TRPS1: variants seen among roughly 807,000 people sequenced by gnomAD.
TRPS1 encodes zinc finger transcription factor Trps1.
A neutral mutation model predicts 101.2 loss-of-function variants in TRPS1; 6 were observed. That is an observed-to-expected ratio of 0.06 (90% CI 0.03 to 0.12). TRPS1 has a LOEUF of 0.12. Ranked by LOEUF, TRPS1 falls within the 10% of genes least tolerant of loss-of-function variation. The pLI is 1.00. For synonymous variants in TRPS1, 578 were observed against 589.8 expected, an observed-to-expected ratio of 0.98 and a Z score of 0.29; for missense variants, 1,363 against 1,567.0, an observed-to-expected ratio of 0.87 and a Z score of 2.20.
intron 5 of TRPS1, among the ~76,000 whole-genome samples, chr8:115,543,109 A>G (rs1007246844): frequency 6.6e-6 from 1 of 152,162 alleles, no homozygotes; most frequent in Non-Finnish European, 1.5e-5. Context: ...GACGGGTAAA[A>G]AAAAAAGACT....
chr8:115,581,126 T>C (rs1817439278), intron 5 of TRPS1, among the ~76,000 whole-genome samples: 1 of 152,096 alleles, frequency 6.6e-6, no homozygotes, highest in Non-Finnish European at 1.5e-5. Flanking sequence ...GCGAACGTTA[T>C]TTTAAGTGAA....
chr8:115,610,446 T>C (rs1818136661), intron 3 of TRPS1, among the ~76,000 whole-genome samples: 1 of 152,172 alleles, frequency 6.6e-6, no homozygotes, highest in African/African-American at 2.4e-5. Flanking sequence ...TGATGGAGAA[T>C]AAATGTTTCA....
intron 5 of TRPS1, among the ~76,000 whole-genome samples, chr8:115,569,095 C>T (rs1030903577): frequency 1.3e-5 from 2 of 152,096 alleles, no homozygotes; most frequent in Non-Finnish European, 2.9e-5. Flanking sequence ...GTTACATCCC[C>T]GTAAACTACC....
intron 6 of TRPS1, among the ~76,000 whole-genome samples, chr8:115,415,479 C>A (rs1336105993): frequency 6.6e-6 from 1 of 152,024 alleles, no homozygotes; most frequent in Non-Finnish European, 1.5e-5. Flanking sequence ...AAGAGTAACA[C>A]AGGAGATACA....
intron 5 of TRPS1, among the ~76,000 whole-genome samples, chr8:115,446,924 C>T (rs545593046): frequency 1.8e-4 from 27 of 152,078 alleles, no homozygotes; most frequent in Admixed American, 1.6e-3. Context: ...GACACATTTC[C>T]TGGTCTACAA....
intron 5 of TRPS1, among the ~76,000 whole-genome samples, chr8:115,487,105 T>C (rs1173543387): frequency 6.6e-6 from 1 of 152,208 alleles, no homozygotes; most frequent in Non-Finnish European, 1.5e-5. Flanking sequence ...AGTGCTCATT[T>C]ATCATTCTAA....
intron 5 of TRPS1, among the ~76,000 whole-genome samples, chr8:115,457,183 T>C (rs1405114694): frequency 2.6e-5 from 4 of 152,152 alleles, no homozygotes; most frequent in Non-Finnish European, 5.9e-5. Flanking sequence ...AGTGGTTAAT[T>C]TAGACTGATT....
At chr8:115,489,331 T>TA (rs1314250918) in intron 5 of TRPS1, among the ~76,000 whole-genome samples, 8 of 152,300 alleles carry the variant, frequency 5.3e-5, no homozygotes, top group Admixed American at 2.0e-4. Flanking sequence ...ATCCCAATCT[T>TA]AAAAAACAAC....
At chr8:115,594,654 C>T (rs1335783209) in intron 4 of TRPS1, among the ~76,000 whole-genome samples, 2 of 151,768 alleles carry the variant, frequency 1.3e-5, no homozygotes, top group Non-Finnish European at 2.9e-5. Context: ...TTTCATGTGC[C>T]ATAAAAAAGC....
chr8:115,593,292 T>A (rs1449047066), intron 4 of TRPS1, among the ~76,000 whole-genome samples: 2 of 152,226 alleles, frequency 1.3e-5, no homozygotes, highest in Non-Finnish European at 2.9e-5. Context: ...TATTCTTTAG[T>A]GCCAGGTCAT....
intron 5 of TRPS1, among the ~76,000 whole-genome samples, chr8:115,562,826 T>C (rs111473991): frequency 1.3e-5 from 2 of 151,578 alleles, no homozygotes; most frequent in African/African-American, 4.8e-5. Context: ...TAAGATAATG[T>C]GGATATAAAC....
intron 5 of TRPS1, among the ~76,000 whole-genome samples, chr8:115,476,520 T>C (rs956197102): frequency 6.6e-6 from 1 of 152,192 alleles, no homozygotes; most frequent in Admixed American, 6.5e-5. Context: ...TTCGGCCAAC[T>C]AATCAACCTT....
chr8:115,452,035 C>A (rs1452741634), intron 5 of TRPS1, among the ~76,000 whole-genome samples: 1 of 149,668 alleles, frequency 6.7e-6, no homozygotes, highest in Non-Finnish European at 1.5e-5. Context: ...TTTTCCCCTT[C>A]TTCTCCTATG....
Position 115,552,220 on chromosome 8 carries a change from T to C in TRPS1, c.2700+34781A>G, listed in dbSNP as rs1038661468. On this transcript the variant is annotated intron_variant, in intron 5 of 6. Coordinates refer to ENST00000395715, the MANE Select transcript of TRPS1 (RefSeq NM_014112.5). ...AAATCTAACAGTATATGCTTTTTTTTCCTCCTGCCAGAAAAGATCTGCAGA... is the reference window on the plus strand; with the variant it reads ...AAATCTAACAGTATATGCTTTTTTTCCCTCCTGCCAGAAAAGATCTGCAGA... 1.2e-4 allele frequency among the ~76,000 whole-genome samples: 18 copies of C among 152,158 alleles called. 1 individual carries two copies. Among genetic ancestry groups the C allele is most frequent in the Admixed American group, 9.2e-4 (14 of 15,270 alleles).
chr8:115,450,708 C>A (rs549987996), intron 5 of TRPS1, among the ~76,000 whole-genome samples: 2 of 152,078 alleles, frequency 1.3e-5, no homozygotes, highest in Non-Finnish European at 2.9e-5. Flanking sequence ...ACCACATATA[C>A]ATGAAAAAAA....
chr8:115,515,978 A>G (rs1815699777), intron 5 of TRPS1, among the ~76,000 whole-genome samples: 1 of 151,472 alleles, frequency 6.6e-6, no homozygotes, highest in Non-Finnish European at 1.5e-5. Context: ...AGGACAAATA[A>G]GCTTGGCAAT....
intron 5 of TRPS1, among the ~76,000 whole-genome samples, chr8:115,426,611 T>A (rs1813192211): frequency 6.6e-6 from 1 of 152,222 alleles, no homozygotes; most frequent in Non-Finnish European, 1.5e-5. Context: ...TATATACAAT[T>A]CAGTGGTTCC....
At chr8:115,602,457 C>T (rs938510143) in intron 4 of TRPS1, among the ~76,000 whole-genome samples, 2 of 152,180 alleles carry the variant, frequency 1.3e-5, no homozygotes, top group Admixed American at 6.6e-5. Flanking sequence ...AGTGTGAACA[C>T]ATATTTGATG....
At chr8:115,431,719 T>A (rs2129832607) in intron 5 of TRPS1, among the ~76,000 whole-genome samples, 1 of 152,010 alleles carries the variant, frequency 6.6e-6, no homozygotes, top group East Asian at 1.9e-4. Context: ...TCTTCTTTCA[T>A]ATAGTGTAGC....
Sources: gnomAD v4.1 joint callset for allele counts (sites outside exome capture counted in the v4.1 genomes callset) on GRCh38, gnomAD v4.1.1 for gene constraint, MANE v1.5 for transcripts, NCBI Gene and HGNC (gene_info 2026-07-23, HGNC 2026-07-21) for gene names.